The following FAM200B variants were observed in gnomAD, a reference collection of about 807,000 sequenced individuals.
FAM200B encodes the protein protein FAM200B.
In FAM200B, 32 loss-of-function variants were observed where a neutral mutation model predicts 33.1. The observed-to-expected ratio is 0.97, with a 90% CI of 0.73 to 1.30. The LOEUF is 1.30. FAM200B is among the 50% of genes most tolerant of loss of function. FAM200B has a pLI of 0.00. For synonymous variants in FAM200B, 240 were observed against 264.8 expected, an observed-to-expected ratio of 0.91 and a Z score of 0.91; for missense variants, 741 against 754.0, an observed-to-expected ratio of 0.98 and a Z score of 0.20.
chr4:15,658,735 A>G, the FAM200B span, among the ~76,000 whole-genome samples: 1 of 152,206 alleles, frequency 6.6e-6, no homozygotes, highest in Non-Finnish European at 1.5e-5. Flanking sequence ...ATTCTGTTAT[A>G]AGCAATAGAA....
At chr4:15,647,124 G>A in the FAM200B span, among the ~76,000 whole-genome samples, 1 of 146,974 alleles carries the variant, frequency 6.8e-6, no homozygotes. Context: ...TCGGGAGGCT[G>A]AGACAGGAGA....
chr4:15,654,256 T>C, the FAM200B span, among the ~76,000 whole-genome samples: 4 of 152,356 alleles, frequency 2.6e-5, 1 homozygote, highest in South Asian at 2.1e-4. Context: ...CTTTATTTAG[T>C]TGGATCATTT....
chr4:15,677,237 T>A (rs1236056408), upstream of FAM200B, among the ~76,000 whole-genome samples: 1 of 152,232 alleles, frequency 6.6e-6, no homozygotes, highest in East Asian at 1.9e-4. Context: ...TGGGTATATA[T>A]GTTCGTCTTA....
At chr4:15,672,707 T>G in the FAM200B span, among the ~76,000 whole-genome samples, 1 of 152,212 alleles carries the variant, frequency 6.6e-6, no homozygotes, top group Non-Finnish European at 1.5e-5. Flanking sequence ...TACTGTAGAC[T>G]TTATAAACAC....
chr4:15,683,088 C>T (rs761602866), intron 1 of FAM200B, among the ~76,000 whole-genome samples: 3 of 152,138 alleles, frequency 2.0e-5, no homozygotes, highest in East Asian at 1.9e-4. Context: ...AGATTAGTGA[C>T]GGGGAATTTT....
At chr4:15,637,901 T>TA in the FAM200B span, among the ~76,000 whole-genome samples, 5 of 135,998 alleles carry the variant, frequency 3.7e-5, no homozygotes, top group African/African-American at 1.3e-4. Context: ...ACTAGTTTTT[T>TA]TAAAAAAAAA....
At chr4:15,645,861 T>G in the FAM200B span, among the ~76,000 whole-genome samples, 4 of 152,254 alleles carry the variant, frequency 2.6e-5, no homozygotes, top group African/African-American at 2.4e-5. Flanking sequence ...TTTTATAAAT[T>G]CATACATTTT....
the FAM200B span, among the ~76,000 whole-genome samples, chr4:15,672,524 G>A: frequency 6.6e-6 from 1 of 152,050 alleles, no homozygotes; most frequent in Non-Finnish European, 1.5e-5. Flanking sequence ...GTCACACAAT[G>A]GTATTTTTGT....
At chr4:15,646,892 T>A in the FAM200B span, among the ~76,000 whole-genome samples, 1 of 151,946 alleles carries the variant, frequency 6.6e-6, no homozygotes, top group Non-Finnish European at 1.5e-5. Context: ...ACAGTCAGCC[T>A]CCGTGGGGAT....
chr4:15,661,261 A>G, the FAM200B span, among the ~76,000 whole-genome samples: 210 of 152,248 alleles, frequency 1.4e-3, no homozygotes, highest in Middle Eastern at 6.8e-3. Flanking sequence ...TTGTAATTGC[A>G]CTGTTTTAAA....
Position 15,687,025 on chromosome 4 carries a change from T to A in FAM200B, c.48T>A (p.Tyr16Ter). The change falls in exon 2 of 2, where the codon TAT becomes TAA. Residue 16 changes from tyrosine (Y) to a stop codon, truncating the protein, a stop_gained. Coordinates refer to ENST00000422728, the MANE Select transcript of FAM200B (RefSeq NM_001145191.2). LOFTEE classifies it high-confidence loss of function. ...IKRKRNSEVK[Y>*]TEACSSSSVE... ...GAAAGAGGAATAGTGAAGTGAAATA[T>A]ACAGAAGCATGTTCAAGTTCATCTG... 2 of 1,505,772 alleles carry A rather than the reference T, an allele frequency of 1.3e-6. No individual in the cohort carries two copies. The highest frequency in any genetic ancestry group is 1.8e-6 in the Non-Finnish European group (2 of 1,116,688). 93.3% of individuals were successfully genotyped at this position (1,505,772 alleles called of 1,614,324 possible). A position where few individuals can be genotyped will look rare whatever the true frequency, so the allele number is the denominator to read the frequency against.
chr4:15,685,007 A>G (rs1718696492), intron 1 of FAM200B: 1 of 152,214 alleles, frequency 6.6e-6, no homozygotes, highest in African/African-American at 2.4e-5. Flanking sequence ...ACCATCGTTA[A>G]AGCATTTAGG....
the FAM200B span, among the ~76,000 whole-genome samples, chr4:15,645,734 C>G: frequency 6.6e-6 from 1 of 152,210 alleles, no homozygotes; most frequent in East Asian, 1.9e-4. Flanking sequence ...GCCTACTTTT[C>G]TTTCTTAATG....
At chr4:15,652,644 A>G in the FAM200B span, among the ~76,000 whole-genome samples, 1 of 152,192 alleles carries the variant, frequency 6.6e-6, no homozygotes, top group Non-Finnish European at 1.5e-5. Flanking sequence ...GTAGACTAAC[A>G]TAACTTTGGA....
chr4:15,655,619 G>T, the FAM200B span, among the ~76,000 whole-genome samples: 2 of 152,200 alleles, frequency 1.3e-5, no homozygotes, highest in African/African-American at 4.8e-5. Flanking sequence ...TGAGGGTAGG[G>T]GAAAGTCGTT....
the FAM200B span, chr4:15,640,754 T>C: frequency 6.1e-6 from 7 of 1,156,854 alleles, no homozygotes; most frequent in South Asian, 2.8e-5. Context: ...AAGAATGTTA[T>C]AAATCTAAAT....
chr4:15,646,541 A>AT, the FAM200B span, among the ~76,000 whole-genome samples: 7 of 148,672 alleles, frequency 4.7e-5, no homozygotes, highest in African/African-American at 1.2e-4. Context: ...AATGCTAAAT[A>AT]TTTTTTATTA....
the FAM200B span, among the ~76,000 whole-genome samples, chr4:15,660,595 A>C: frequency 6.6e-6 from 1 of 152,200 alleles, no homozygotes. Context: ...CACAAGATCT[A>C]GGGCAAATCA....
chr4:15,656,378 C>T, the FAM200B span: 1 of 439,482 alleles, frequency 2.3e-6, no homozygotes, highest in Non-Finnish European at 4.6e-6. Flanking sequence ...AACAGGGAAG[C>T]CTGAGAACCT....
Sources: allele counts gnomAD v4.1 joint callset (sites outside exome capture counted in the v4.1 genomes callset), GRCh38; gene constraint gnomAD v4.1.1; transcripts MANE v1.5; gene names NCBI Gene and HGNC (gene_info 2026-07-23, HGNC 2026-07-21).